GRID2: variants seen among roughly 807,000 people sequenced by gnomAD.
GRID2 encodes glutamate ionotropic receptor delta type subunit 2.
In GRID2, 33 loss-of-function variants were observed where a neutral mutation model predicts 114.8. That is an observed-to-expected ratio of 0.29 (90% CI 0.22 to 0.38). The LOEUF (loss-of-function observed/expected upper bound fraction) is 0.38. Ranked by LOEUF, GRID2 falls within the 10% of genes least tolerant of loss-of-function variation. The pLI is 1.00. For synonymous variants in GRID2, 505 were observed against 449.9 expected, an observed-to-expected ratio of 1.12 and a Z score of -1.55; for missense variants, 1,184 against 1,257.7, an observed-to-expected ratio of 0.94 and a Z score of 0.89.
chr4:92,975,255 C>A, intron 2 of GRID2, among the ~76,000 whole-genome samples: 1 of 145,284 alleles, frequency 6.9e-6, no homozygotes, highest in South Asian at 2.2e-4. Flanking sequence ...TAAAACATTT[C>A]TGTAAGACGT....
At chr4:93,688,454 A>AGAG (rs1290034648) in intron 14 of GRID2, among the ~76,000 whole-genome samples, 2 of 152,000 alleles carry the variant, frequency 1.3e-5, no homozygotes, top group African/African-American at 2.4e-5. Context: ...CTTGAAAGGT[A>AGAG]GAGTATTTTG....
At chr4:92,776,792 T>C (rs370258717) in intron 2 of GRID2, among the ~76,000 whole-genome samples, 1 of 152,026 alleles carries the variant, frequency 6.6e-6, no homozygotes, top group Admixed American at 6.6e-5. Flanking sequence ...AGTTAATATA[T>C]TAAGTGAATA....
intron 1 of GRID2, among the ~76,000 whole-genome samples, chr4:92,520,044 C>CA (rs1724688775): frequency 6.6e-6 from 1 of 151,708 alleles, no homozygotes; most frequent in African/African-American, 2.4e-5. Flanking sequence ...CAGTTTGACA[C>CA]AAAAAAGTAA....
At chr4:93,191,416 A>G (rs1740970769) in intron 4 of GRID2, among the ~76,000 whole-genome samples, 1 of 152,114 alleles carries the variant, frequency 6.6e-6, no homozygotes, top group Admixed American at 6.5e-5. Flanking sequence ...TATGGCCCTT[A>G]TAAATAGAAA....
At chr4:93,231,218 T>C (rs1300715561) in intron 7 of GRID2, among the ~76,000 whole-genome samples, 1 of 152,042 alleles carries the variant, frequency 6.6e-6, no homozygotes, top group Non-Finnish European at 1.5e-5. Flanking sequence ...TATATTTAAA[T>C]AGAAATCATT....
At chr4:93,053,575 T>C (rs1726928871) in intron 2 of GRID2, among the ~76,000 whole-genome samples, 1 of 151,970 alleles carries the variant, frequency 6.6e-6, no homozygotes, top group Non-Finnish European at 1.5e-5. Context: ...CACTGTGCAC[T>C]GGCATGCATT....
intron 1 of GRID2, among the ~76,000 whole-genome samples, chr4:92,421,019 G>T (rs1731879959): frequency 6.6e-6 from 1 of 151,832 alleles, no homozygotes; most frequent in Non-Finnish European, 1.5e-5. Context: ...TAAATTCTCT[G>T]TCAGTTACTA....
chr4:92,439,420 A>G (rs1732906066), intron 1 of GRID2, among the ~76,000 whole-genome samples: 1 of 152,068 alleles, frequency 6.6e-6, no homozygotes, highest in African/African-American at 2.4e-5. Flanking sequence ...GCCTTCTTAT[A>G]TTAATAAGAA....
At chr4:93,263,107 A>AT (rs1179418674) in intron 8 of GRID2, among the ~76,000 whole-genome samples, 1 of 151,544 alleles carries the variant, frequency 6.6e-6, no homozygotes, top group East Asian at 1.9e-4. Context: ...AATTATGCAT[A>AT]TTTTTCTCTC....
chr4:93,422,088 G>A (rs72668715), intron 9 of GRID2, among the ~76,000 whole-genome samples: 2,177 of 152,256 alleles, frequency 0.014, 18 homozygotes, highest in South Asian at 0.056. Flanking sequence ...AGTGAAAGGG[G>A]CCTATTTGTT....
intron 2 of GRID2, among the ~76,000 whole-genome samples, chr4:92,723,299 T>A (rs1560554263): frequency 6.6e-6 from 1 of 152,042 alleles, no homozygotes; most frequent in Non-Finnish European, 1.5e-5. Context: ...TTCAGAAAAA[T>A]TTCAATAAAT....
intron 13 of GRID2, among the ~76,000 whole-genome samples, chr4:93,519,718 C>G: frequency 6.6e-6 from 1 of 152,134 alleles, no homozygotes; most frequent in East Asian, 1.9e-4. Context: ...GTGAATAATA[C>G]TTCAGACTAT....
chr4:92,642,234 G>A (rs986333510), intron 2 of GRID2, among the ~76,000 whole-genome samples: 1 of 151,692 alleles, frequency 6.6e-6, no homozygotes, highest in Non-Finnish European at 1.5e-5. Flanking sequence ...GCTATCTACA[G>A]TGTCTGAACT....
At chr4:92,874,688 A>G (rs1329045341) in intron 2 of GRID2, among the ~76,000 whole-genome samples, 1 of 152,186 alleles carries the variant, frequency 6.6e-6, no homozygotes, top group Non-Finnish European at 1.5e-5. Flanking sequence ...CATCTTTTCT[A>G]TATGAAAAGA....
chr4:92,994,918 CT>C (rs1755110272), intron 2 of GRID2, among the ~76,000 whole-genome samples: 1 of 152,180 alleles, frequency 6.6e-6, no homozygotes, highest in South Asian at 2.1e-4. Flanking sequence ...TGTTTGGTGA[CT>C]TCACATCGAT....
downstream of GRID2, among the ~76,000 whole-genome samples, chr4:93,777,455 T>G (rs2110347952): frequency 6.6e-6 from 1 of 152,348 alleles, no homozygotes; most frequent in South Asian, 2.1e-4. Flanking sequence ...GTATCATAGT[T>G]CCTAGAATTT....
chr4:92,854,547 G>C (rs1353381139), intron 2 of GRID2, among the ~76,000 whole-genome samples: 1 of 151,544 alleles, frequency 6.6e-6, no homozygotes, highest in African/African-American at 2.4e-5. Context: ...GTTTGTGTGA[G>C]TGAGGATGTG....
intron 1 of GRID2, among the ~76,000 whole-genome samples, chr4:92,473,107 T>G (rs1007268854): frequency 1.3e-5 from 2 of 152,120 alleles, no homozygotes; most frequent in African/African-American, 4.8e-5. Context: ...CAAAATTCAT[T>G]TTTTTGCATA....
At chr4:92,720,217 C>T (rs1735744690) in intron 2 of GRID2, among the ~76,000 whole-genome samples, 1 of 151,718 alleles carries the variant, frequency 6.6e-6, no homozygotes, top group South Asian at 2.1e-4. Flanking sequence ...TTCCAAGCAT[C>T]CTAATAGGAT....
Sources: allele counts gnomAD v4.1 joint callset (sites outside exome capture counted in the v4.1 genomes callset), GRCh38; gene constraint gnomAD v4.1.1; transcripts MANE v1.5; gene names NCBI Gene and HGNC (gene_info 2026-07-23, HGNC 2026-07-21).